SPOCK3: variants seen among roughly 807,000 people sequenced by gnomAD.
SPOCK3 encodes the protein SPARC (osteonectin), cwcv and kazal like domains proteoglycan 3.
A neutral mutation model predicts 56.6 loss-of-function variants in SPOCK3; 30 were observed. The observed-to-expected ratio is 0.53, with a 90% CI of 0.40 to 0.72. The LOEUF (loss-of-function observed/expected upper bound fraction) is 0.72, where lower values mean the gene tolerates loss of function less well. SPOCK3 is among the 30% of genes least tolerant of loss of function. SPOCK3 has a pLI of 0.00. For missense variants in SPOCK3, 527 were observed against 530.0 expected, an observed-to-expected ratio of 0.99 and a Z score of 0.06; for synonymous variants, 196 against 183.3, an observed-to-expected ratio of 1.07 and a Z score of -0.56.
At chr4:166,832,242 CTTGAG>C (rs1746158166) in intron 6 of SPOCK3, among the ~76,000 whole-genome samples, 1 of 151,964 alleles carries the variant, frequency 6.6e-6, no homozygotes, top group African/African-American at 2.4e-5. Flanking sequence ...TTTAATTGAT[CTTGAG>C]TTAATTTTTG....
intron 2 of SPOCK3, among the ~76,000 whole-genome samples, chr4:167,133,677 A>C (rs1762873076): frequency 6.6e-6 from 1 of 152,222 alleles, no homozygotes; most frequent in South Asian, 2.1e-4. Flanking sequence ...TAACATAATT[A>C]GTAATTAGAA....
intron 7 of SPOCK3, among the ~76,000 whole-genome samples, chr4:166,769,581 G>A (rs1285176930): frequency 6.6e-6 from 1 of 152,152 alleles, no homozygotes; most frequent in Non-Finnish European, 1.5e-5. Flanking sequence ...GCCATGTGAG[G>A]TGTCAGTCTG....
intron 2 of SPOCK3, among the ~76,000 whole-genome samples, chr4:167,108,898 A>C (rs1321768718): frequency 7.1e-6 from 1 of 141,010 alleles, no homozygotes; most frequent in African/African-American, 2.6e-5. Flanking sequence ...GCATTTCTGT[A>C]TCAAAATATC....
intron 6 of SPOCK3, among the ~76,000 whole-genome samples, chr4:166,806,331 T>C (rs1159570280): frequency 6.6e-6 from 1 of 152,096 alleles, no homozygotes; most frequent in Non-Finnish European, 1.5e-5. Context: ...ACATTTTTTA[T>C]ATCTTCTATT....
chr4:167,212,982 A>G (rs762513976), intron 2 of SPOCK3, among the ~76,000 whole-genome samples: 1 of 152,186 alleles, frequency 6.6e-6, no homozygotes, highest in Non-Finnish European at 1.5e-5. Context: ...TTACCTTAGA[A>G]CATTTGGTTT....
intron 9 of SPOCK3, among the ~76,000 whole-genome samples, chr4:166,741,662 CAT>C (rs377194882): frequency 1.3e-5 from 2 of 151,794 alleles, no homozygotes; most frequent in African/African-American, 4.8e-5. Context: ...AGCACATATA[CAT>C]ATATATATAT....
chr4:166,913,631 T>C (rs1737519955), intron 4 of SPOCK3, among the ~76,000 whole-genome samples: 2 of 152,198 alleles, frequency 1.3e-5, no homozygotes, highest in African/African-American at 2.4e-5. Context: ...TGTTTTCTTT[T>C]CATGAATATG....
At chr4:167,008,184 T>C (rs967813456) in intron 3 of SPOCK3, among the ~76,000 whole-genome samples, 1 of 152,032 alleles carries the variant, frequency 6.6e-6, no homozygotes, top group African/African-American at 2.4e-5. Context: ...ACTTTTTATA[T>C]ACAGAGTTGA....
At chr4:167,142,665 G>T (rs972082933) in intron 2 of SPOCK3, among the ~76,000 whole-genome samples, 3 of 151,892 alleles carry the variant, frequency 2.0e-5, no homozygotes, top group Non-Finnish European at 2.9e-5. Flanking sequence ...ATTGGAAGGT[G>T]TGAGGAAAAG....
rs764219611 is a variant in SPOCK3, at chr4:166,735,005, CATA to C, written c.1215_1217del (p.Ile405del). ...CATCTTCAATTTCATCTTCATCATTCATAATATCGTCTTCATCATCCTCATCAT... is the reference window on the plus strand; with the variant it reads ...CATCTTCAATTTCATCTTCATCATTCATATCGTCTTCATCATCCTCATCAT... On this transcript the variant is annotated inframe_deletion, in exon 11 of 11. Transcript: ENST00000357545. The C allele has an allele frequency of 2.2e-5, 34 of 1,554,790 alleles. No homozygotes were observed. Among genetic ancestry groups the C allele is most frequent in the Admixed American group, 3.4e-5 (2 of 59,580 alleles).
chr4:166,784,568 A>G (rs1740535489), intron 7 of SPOCK3, among the ~76,000 whole-genome samples: 1 of 152,130 alleles, frequency 6.6e-6, no homozygotes, highest in South Asian at 2.1e-4. Flanking sequence ...AAGAAAATTT[A>G]TCTAATCTTC....
At chr4:166,828,794 A>G (rs896714351) in intron 6 of SPOCK3, among the ~76,000 whole-genome samples, 1 of 152,038 alleles carries the variant, frequency 6.6e-6, no homozygotes, top group African/African-American at 2.4e-5. Context: ...CAAATGTTAC[A>G]TTTCAATGAA....
chr4:166,886,908 T>C (rs1481099991), intron 6 of SPOCK3, among the ~76,000 whole-genome samples: 1 of 152,174 alleles, frequency 6.6e-6, no homozygotes, highest in Non-Finnish European at 1.5e-5. Context: ...CACTCAAAAT[T>C]GACTGTACTG....
intron 7 of SPOCK3, among the ~76,000 whole-genome samples, chr4:166,789,116 C>T (rs766383639): frequency 6.6e-6 from 1 of 151,960 alleles, no homozygotes; most frequent in Admixed American, 6.6e-5. Context: ...GTTGACTTAA[C>T]CACATCCTTA....
chr4:166,919,206 C>A (rs116923403), intron 4 of SPOCK3, among the ~76,000 whole-genome samples: 28 of 152,076 alleles, frequency 1.8e-4, no homozygotes, highest in Non-Finnish European at 2.9e-4. Flanking sequence ...ATGAGGCCAA[C>A]AAGTATGATG....
At chr4:167,207,668 AAT>A (rs1417887306) in intron 2 of SPOCK3, among the ~76,000 whole-genome samples, 1 of 152,128 alleles carries the variant, frequency 6.6e-6, no homozygotes, top group African/African-American at 2.4e-5. Flanking sequence ...ATTTTTGAAT[AAT>A]AGTTAATACA....
At chr4:166,830,080 T>C (rs544740610) in intron 6 of SPOCK3, among the ~76,000 whole-genome samples, 17 of 152,276 alleles carry the variant, frequency 1.1e-4, no homozygotes, top group African/African-American at 3.4e-4. Flanking sequence ...TAATTTCTTA[T>C]ACCACTCTTC....
At chr4:167,114,865 C>A (rs1340367631) in intron 2 of SPOCK3, among the ~76,000 whole-genome samples, 1 of 151,706 alleles carries the variant, frequency 6.6e-6, no homozygotes. Flanking sequence ...AGTGTTCATA[C>A]TAAGACTCCA....
chr4:166,754,435 T>C, intron 8 of SPOCK3, 73 bp downstream of exon 8: 1 of 1,537,968 alleles, frequency 6.5e-7, no homozygotes, highest in South Asian at 1.2e-5. Flanking sequence ...TGTACTGTTT[T>C]ATTTTCTTAA....
Sources: allele counts gnomAD v4.1 joint callset (sites outside exome capture counted in the v4.1 genomes callset), GRCh38; gene constraint gnomAD v4.1.1; transcripts MANE v1.5; gene names NCBI Gene and HGNC (gene_info 2026-07-23, HGNC 2026-07-21).